Variants in SMAD5 observed in about 807,000 individuals in gnomAD.
SMAD5 encodes MAD, mothers against decapentaplegic homolog 5.
In SMAD5, 9 loss-of-function variants were observed where a neutral mutation model predicts 43.1. That is an observed-to-expected ratio of 0.21 (90% CI 0.13 to 0.36). SMAD5 has a LOEUF of 0.36. Ranked by LOEUF, SMAD5 falls within the 10% of genes least tolerant of loss-of-function variation. SMAD5 has a pLI of 1.00. For missense variants in SMAD5, 348 were observed against 574.0 expected (o/e 0.61, Z 4.02); for synonymous variants, 190 against 192.4 (o/e 0.99, Z 0.10).
intron 1 of SMAD5, among the ~76,000 whole-genome samples, chr5:136,139,260 C>G (rs1752991590): frequency 1.3e-5 from 2 of 151,472 alleles, no homozygotes; most frequent in Admixed American, 1.3e-4. Flanking sequence ...TGTAGTACTT[C>G]CATAACCTTA....
chr5:136,182,383 G>C lies in SMAD5; in HGVS notation c.*4903G>C, dbSNP rs1275837875. 1 of 152,088 alleles carries C rather than the reference G, an allele frequency of 6.6e-6. No individual in the cohort carries two copies. Among genetic ancestry groups the C allele is most frequent in the Non-Finnish European group, 1.5e-5 (1 of 67,992 alleles). 9.4% of individuals were successfully genotyped at this position (152,088 alleles called of 1,614,324 possible). A position where few individuals can be genotyped will look rare whatever the true frequency, so the allele number is the denominator to read the frequency against. On this transcript the variant is annotated 3_prime_UTR_variant, in exon 8 of 8. Coordinates refer to ENST00000545279, the MANE Select transcript of SMAD5 (RefSeq NM_005903.7). ...GATTTTTTTTTTAAATATGGTTGGC[G>C]TAAGTTGTATTTTGAAATTCACTTA...
chr5:136,166,480 C>T (rs1399640949), intron 5 of SMAD5, among the ~76,000 whole-genome samples: 1 of 151,960 alleles, frequency 6.6e-6, no homozygotes, highest in Non-Finnish European at 1.5e-5. Context: ...TATTAATTTG[C>T]CTATAATTTA....
At chr5:136,159,915 T>C (rs890065892) in intron 3 of SMAD5, among the ~76,000 whole-genome samples, 6 of 152,174 alleles carry the variant, frequency 3.9e-5, no homozygotes, top group Admixed American at 1.3e-4. Flanking sequence ...CTGAATGATA[T>C]CAGAATTAAG....
chr5:136,169,140 C>T (rs1754129770), intron 5 of SMAD5, among the ~76,000 whole-genome samples: 1 of 152,104 alleles, frequency 6.6e-6, no homozygotes, highest in Admixed American at 6.5e-5. Flanking sequence ...GCTCAAGAGC[C>T]CCTGGCAAAC....
At chr5:136,171,363 A>T (rs2149779781) in intron 5 of SMAD5, among the ~76,000 whole-genome samples, 1 of 152,336 alleles carries the variant, frequency 6.6e-6, no homozygotes, top group African/African-American at 2.4e-5. Context: ...ATGTTAGAAA[A>T]ACAATTAAAA....
chr5:136,151,427 G>A (rs1016592810), intron 2 of SMAD5, among the ~76,000 whole-genome samples: 3 of 151,956 alleles, frequency 2.0e-5, no homozygotes, highest in Admixed American at 1.3e-4. Flanking sequence ...GTTAAGTTAC[G>A]GGAGAAGAGA....
chr5:136,135,925 A>G (rs2149756815), intron 1 of SMAD5, among the ~76,000 whole-genome samples: 1 of 152,334 alleles, frequency 6.6e-6, no homozygotes, highest in South Asian at 2.1e-4. Flanking sequence ...AAATGTTACA[A>G]GCAGCTTATA....
intron 5 of SMAD5, among the ~76,000 whole-genome samples, chr5:136,166,853 A>G (rs1754033276): frequency 6.6e-6 from 1 of 152,136 alleles, no homozygotes; most frequent in Non-Finnish European, 1.5e-5. Flanking sequence ...GCCATTTAAT[A>G]GTGTTATATG....
At chr5:136,134,814 A>ACTG (rs1752819416) in intron 1 of SMAD5, 1 of 152,064 alleles carries the variant, frequency 6.6e-6, no homozygotes, top group African/African-American at 2.4e-5. Flanking sequence ...TTTTTACATT[A>ACTG]CTGCTGTTAA....
At chr5:136,161,175 G>C in intron 4 of SMAD5, 68 bp downstream of exon 4, 1 of 1,440,964 alleles carries the variant, frequency 6.9e-7, no homozygotes, top group Non-Finnish European at 9.5e-7. Flanking sequence ...TCTTACTGTG[G>C]GCCCTCTGGG....
intron 2 of SMAD5, among the ~76,000 whole-genome samples, chr5:136,151,230 A>T (rs1206174436): frequency 2.0e-5 from 3 of 152,106 alleles, no homozygotes; most frequent in African/African-American, 7.2e-5. Flanking sequence ...GGGGAAAACA[A>T]AGTAAATAAA....
intron 5 of SMAD5, 66 bp from the exon 6 acceptor site, chr5:136,172,365 AGAT>A: frequency 1.1e-6 from 1 of 912,620 alleles, no homozygotes; most frequent in Non-Finnish European, 1.7e-6. Context: ...TTGGGTTAAA[AGAT>A]AAACACATGG....
At position 136,174,371 on chromosome 5, in the gene SMAD5, T is replaced by C. The variant is rs762529139; in HGVS notation, c.998-5T>C. 1.9e-6 allele frequency: 3 copies of C among 1,611,154 alleles called. No homozygotes were observed. In the East Asian group the frequency reaches 6.7e-5, roughly 36 times the overall value. On this transcript the variant is annotated splice_region_variant and splice_polypyrimidine_tract_variant and intron_variant, in intron 6 of 7. Coordinates refer to ENST00000545279, the MANE Select transcript of SMAD5 (RefSeq NM_005903.7). ...GCTGACTCTTGTGATGTTTGTCTTT[T>C]TAAGGTGTTCATCTGTACTATGTTG...
intron 5 of SMAD5, among the ~76,000 whole-genome samples, chr5:136,164,167 G>T (rs1422133433): frequency 1.3e-5 from 2 of 152,210 alleles, no homozygotes; most frequent in Non-Finnish European, 2.9e-5. Context: ...CTGCACTCCA[G>T]TCTGAGCAAC....
In SMAD5 at chr5:136,181,574, T is replaced by G. The variant is rs769606489; in HGVS notation, c.*4094T>G. On this transcript the variant is annotated 3_prime_UTR_variant, in exon 8 of 8. Transcript: ENST00000545279. The stretch of plus-strand genomic sequence containing the variant: ...AGCAGCAGCATTTTTCTCATTGATA[T>G]AAGTAAGATTCTTAGGAGCTTTTCT... 3 of 152,170 alleles carry G rather than the reference T, an allele frequency of 2.0e-5. No individual in the cohort carries two copies. Among genetic ancestry groups the G allele is most frequent in the Non-Finnish European group, 4.4e-5 (3 of 68,004 alleles). 9.4% of individuals were successfully genotyped at this position (152,170 alleles called of 1,614,324 possible). A position where few individuals can be genotyped will look rare whatever the true frequency, so the allele number is the denominator to read the frequency against.
At chr5:136,135,972 C>G (rs1012217344) in intron 1 of SMAD5, among the ~76,000 whole-genome samples, 7 of 152,176 alleles carry the variant, frequency 4.6e-5, no homozygotes, top group African/African-American at 1.4e-4. Flanking sequence ...GGGTCAAAGA[C>G]ATTGAGTAAG....
At chr5:136,149,068 T>C (rs1753360965) in intron 2 of SMAD5, among the ~76,000 whole-genome samples, 1 of 151,798 alleles carries the variant, frequency 6.6e-6, no homozygotes, top group Non-Finnish European at 1.5e-5. Context: ...CTTGATGGCA[T>C]AGGTTAGTTT....
intron 1 of SMAD5, among the ~76,000 whole-genome samples, chr5:136,137,109 T>G (rs1369931633): frequency 6.6e-6 from 1 of 150,808 alleles, no homozygotes; most frequent in Non-Finnish European, 1.5e-5. Flanking sequence ...CTTTTCTTCC[T>G]CCTTTTACTG....
At chr5:136,165,538 A>G (rs568507458) in intron 5 of SMAD5, among the ~76,000 whole-genome samples, 1 of 151,992 alleles carries the variant, frequency 6.6e-6, no homozygotes, top group East Asian at 1.9e-4. Context: ...TAGTATTGAA[A>G]CTATACCTGT....
Sources: gnomAD v4.1 joint callset for allele counts (sites outside exome capture counted in the v4.1 genomes callset) on GRCh38, gnomAD v4.1.1 for gene constraint, MANE v1.5 for transcripts, NCBI Gene and HGNC (gene_info 2026-07-23, HGNC 2026-07-21) for gene names.